RNF111: variants seen among roughly 807,000 people sequenced by gnomAD.
RNF111 encodes the protein ring finger protein 111.
Under a neutral mutation model 95.1 loss-of-function variants are expected in RNF111, and 17 were observed. The observed-to-expected ratio is 0.18, with a 90% CI of 0.12 to 0.27. The LOEUF is 0.27. RNF111 is among the 10% of genes least tolerant of loss of function. The pLI, the probability that RNF111 is intolerant of heterozygous loss-of-function variation, is 1.00. For synonymous variants in RNF111, 440 were observed against 414.8 expected (o/e 1.06, Z -0.74); for missense variants, 1,189 against 1,210.4 (o/e 0.98, Z 0.26).
At chr15:59,019,615 A>G (rs1404497672) in intron 1 of RNF111, among the ~76,000 whole-genome samples, 2 of 152,098 alleles carry the variant, frequency 1.3e-5, no homozygotes, top group African/African-American at 4.8e-5. Context: ...TGCTTTGGGG[A>G]AAGTGATCTT....
At chr15:59,043,031 T>C (rs1165609505) in intron 2 of RNF111, among the ~76,000 whole-genome samples, 2 of 152,178 alleles carry the variant, frequency 1.3e-5, no homozygotes, top group African/African-American at 4.8e-5. Context: ...CATTTGTTGA[T>C]GTCTAGTTTT....
intron 5 of RNF111, among the ~76,000 whole-genome samples, chr15:59,059,144 A>G (rs1457896872): frequency 6.6e-6 from 1 of 152,128 alleles, no homozygotes; most frequent in East Asian, 1.9e-4. Context: ...AAGTAAAAAG[A>G]AACAAACAAA....
chr15:59,079,305 CAT>C (rs1343348925), intron 7 of RNF111, among the ~76,000 whole-genome samples: 1 of 152,112 alleles, frequency 6.6e-6, no homozygotes, highest in Admixed American at 6.5e-5. Context: ...AATCATAAAA[CAT>C]AGTGGATTCA....
chr15:59,003,488 T>TCC lies in RNF111; in HGVS notation c.-20+15421_-20+15422dup, dbSNP rs1380291993. Among the ~76,000 whole-genome samples the TCC allele has an allele frequency of 1.6e-4, 25 of 152,076 alleles. 1 individual carries two copies. Among genetic ancestry groups the TCC allele is most frequent in the Non-Finnish European group, 1.5e-5 (1 of 68,034 alleles). The stretch of plus-strand genomic sequence containing the variant: ...ATCCCTGCTTACTGCAACCTCCACC[T>TCC]CCTAGGCTCAAACCATCCTCCCACC... On this transcript the variant is annotated intron_variant, in intron 1 of 13. Transcript: ENST00000348370.
At chr15:59,047,867 A>G (rs1481430620) in intron 2 of RNF111, among the ~76,000 whole-genome samples, 4 of 152,198 alleles carry the variant, frequency 2.6e-5, no homozygotes, top group African/African-American at 9.6e-5. Context: ...GAGCCACTGT[A>G]TCCAGCCTAC....
chr15:59,093,361 T>TTTTTCTTTTTTTTC, intron 13 of RNF111: 1 of 360,022 alleles, frequency 2.8e-6, no homozygotes, highest in Non-Finnish European at 5.1e-6. Flanking sequence ...TTTTTTTTTT[T>TTTTTCTTTTTTTTC]CCTTTTCTGG....
intron 10 of RNF111, among the ~76,000 whole-genome samples, chr15:59,089,104 C>A (rs1319044722): frequency 1.6e-4 from 25 of 152,064 alleles, no homozygotes. Flanking sequence ...CCGGTCATAT[C>A]CACGAATGAC....
Position 59,076,042 on chromosome 15 carries a change from G to T in RNF111, c.1775G>T (p.Cys592Phe). The T allele has an allele frequency of 1.2e-6, 2 of 1,614,190 alleles. No homozygotes were observed. The highest frequency in any genetic ancestry group is 1.7e-6 in the Non-Finnish European group (2 of 1,180,046). Reference sequence around the variant, plus strand: ...GGAGCATCTGCATTTGACCCCTGCTGCCCTGTTTCTTCCTCCCGAGCTGCA... The same window carrying T: ...GGAGCATCTGCATTTGACCCCTGCTTCCCTGTTTCTTCCTCCCGAGCTGCA... ...FHGASAFDPC[C>F]PVSSSRAAIF... The change falls in exon 7 of 14, where the codon TGC (cysteine) becomes TTC (phenylalanine). Residue 592 changes from cysteine to phenylalanine, a missense_variant. Transcript: ENST00000348370.
At chr15:59,017,787 C>T (rs960750372) in intron 1 of RNF111, among the ~76,000 whole-genome samples, 17 of 106,522 alleles carry the variant, frequency 1.6e-4, no homozygotes, top group South Asian at 2.9e-4. Context: ...GATGGAGTTT[C>T]GCTCTTGTTG....
intron 2 of RNF111, 99 bp from the exon 3 acceptor site, chr15:59,052,206 G>T: frequency 1.9e-6 from 2 of 1,056,412 alleles, no homozygotes; most frequent in South Asian, 2.5e-5. Flanking sequence ...TTTTATTTTT[G>T]CAATGAATTT....
intron 1 of RNF111, among the ~76,000 whole-genome samples, chr15:58,997,968 G>A (rs953474608): frequency 2.0e-5 from 3 of 151,430 alleles, no homozygotes; most frequent in Non-Finnish European, 2.9e-5. Context: ...GCAGTGGGGC[G>A]ATCCTGGCTC....
intron 9 of RNF111, 159 bp downstream of exon 9, chr15:59,084,413 G>A (rs1314874719): frequency 4.7e-6 from 3 of 633,354 alleles, no homozygotes; most frequent in Non-Finnish European, 7.1e-6. Flanking sequence ...GAGGTTTGGA[G>A]AGGAAAGAAT....
At chr15:59,005,683 G>A (rs1412132193) in intron 1 of RNF111, among the ~76,000 whole-genome samples, 1 of 152,064 alleles carries the variant, frequency 6.6e-6, no homozygotes. Flanking sequence ...AAAAAAAAAT[G>A]TATGTATATG....
intron 2 of RNF111, among the ~76,000 whole-genome samples, chr15:59,046,292 A>G (rs1596189168): frequency 3.3e-5 from 5 of 151,668 alleles, no homozygotes; most frequent in East Asian, 1.9e-4. Flanking sequence ...CTCCAGGGCT[A>G]AGGTGATCCT....
intron 2 of RNF111, among the ~76,000 whole-genome samples, chr15:59,035,127 G>T (rs1435595550): frequency 6.6e-6 from 1 of 152,144 alleles, no homozygotes; most frequent in African/African-American, 2.4e-5. Context: ...ATCAGACCTT[G>T]TGAGACTTAC....
At chr15:59,084,372 G>T in intron 9 of RNF111, 118 bp downstream of exon 9, 2 of 1,007,386 alleles carry the variant, frequency 2.0e-6, no homozygotes, top group South Asian at 5.8e-5. Context: ...CTAATCCCCA[G>T]TTTAACTGAG....
At chr15:59,021,724 C>G (rs1256080120) in intron 1 of RNF111, among the ~76,000 whole-genome samples, 1 of 152,126 alleles carries the variant, frequency 6.6e-6, no homozygotes, top group Admixed American at 6.5e-5. Flanking sequence ...ACTCAGTGAT[C>G]CCTGGATCGA....
intron 1 of RNF111, among the ~76,000 whole-genome samples, chr15:59,010,270 A>G (rs2039736384): frequency 6.6e-6 from 1 of 152,222 alleles, no homozygotes; most frequent in African/African-American, 2.4e-5. Flanking sequence ...CATGACATGT[A>G]AATATAAATA....
At chr15:59,036,258 A>G (rs2041172345) in intron 2 of RNF111, among the ~76,000 whole-genome samples, 1 of 152,032 alleles carries the variant, frequency 6.6e-6, no homozygotes, top group Non-Finnish European at 1.5e-5. Context: ...GGGTTTCACC[A>G]TGGTGGCCGG....
Sources: allele counts gnomAD v4.1 joint callset (sites outside exome capture counted in the v4.1 genomes callset), GRCh38; gene constraint gnomAD v4.1.1; transcripts MANE v1.5; gene names NCBI Gene and HGNC (gene_info 2026-07-23, HGNC 2026-07-21).